CYLC2: variants seen among roughly 807,000 people sequenced by gnomAD.
CYLC2 encodes cylicin-2.
Under a neutral mutation model 26.1 loss-of-function variants are expected in CYLC2, and 30 were observed. The observed-to-expected ratio is 1.15, with a 90% CI of 0.86 to 1.56. CYLC2 has a LOEUF of 1.56. CYLC2 is among the 40% of genes most tolerant of loss of function. The pLI is 0.00. For synonymous variants in CYLC2, 158 were observed against 132.8 expected (o/e 1.19, Z -1.31); for missense variants, 498 against 394.4 (o/e 1.26, Z -2.23).
At chr9:102,999,294 C>A (rs1299532397) in intron 1 of CYLC2, among the ~76,000 whole-genome samples, 2 of 151,836 alleles carry the variant, frequency 1.3e-5, no homozygotes, top group Non-Finnish European at 3.0e-5. Context: ...AACTATTTAT[C>A]ATATAATCAT....
intron 6 of CYLC2, among the ~76,000 whole-genome samples, chr9:103,014,696 C>T (rs1209797893): frequency 8.1e-6 from 1 of 124,216 alleles, no homozygotes; most frequent in Non-Finnish European, 1.7e-5. Context: ...ATGTAATATA[C>T]GTATGTATAT....
chr9:103,014,943 A>T (rs1829479906), intron 6 of CYLC2, among the ~76,000 whole-genome samples: 2 of 140,766 alleles, frequency 1.4e-5, no homozygotes, highest in African/African-American at 5.1e-5. Flanking sequence ...TAGTATACAT[A>T]ATACATGTAA....
intron 6 of CYLC2, among the ~76,000 whole-genome samples, chr9:103,012,590 T>C (rs1329163840): frequency 6.6e-6 from 1 of 151,916 alleles, no homozygotes; most frequent in African/African-American, 2.4e-5. Context: ...TAAAATAAAA[T>C]TGCTTGTGTA....
In CYLC2 at chr9:103,018,321, C is replaced by T; in HGVS notation, c.*891-4C>T. 1 of 151,900 alleles carries T rather than the reference C, an allele frequency of 6.6e-6. No individual in the cohort carries two copies. The highest frequency in any genetic ancestry group is 1.9e-4 in the East Asian group (1 of 5,176). The allele number at this position is 151,900 out of a possible 1,614,324, so 9.4% of individuals were successfully genotyped here. ...CATTTGACTCTGATTTGATTGTGTT[C>T]CAGGACTACCGTGAGGATGGATTGG... On this transcript the variant is annotated splice_region_variant and splice_polypyrimidine_tract_variant and intron_variant, in intron 7 of 7. Coordinates refer to ENST00000374798, the MANE Select transcript of CYLC2 (RefSeq NM_001340.5).
chr9:103,001,442 T>C (rs1016530911), intron 1 of CYLC2, 136 bp from the exon 2 acceptor site: 2 of 631,776 alleles, frequency 3.2e-6, no homozygotes, highest in Non-Finnish European at 5.7e-6. Flanking sequence ...TGAAGTAATC[T>C]TATATAACAA....
intron 6 of CYLC2, among the ~76,000 whole-genome samples, chr9:103,012,596 G>C (rs1286632855): frequency 6.6e-6 from 1 of 151,830 alleles, no homozygotes; most frequent in Non-Finnish European, 1.5e-5. Context: ...AAAATTGCTT[G>C]TGTAAATAAA....
chr9:102,996,928 C>G (rs1829243595), intron 1 of CYLC2, among the ~76,000 whole-genome samples: 1 of 151,852 alleles, frequency 6.6e-6, no homozygotes, highest in Non-Finnish European at 1.5e-5. Flanking sequence ...TTGAATAGAA[C>G]TAAGATTTCT....
chr9:102,997,811 A>T (rs1307312133), intron 1 of CYLC2, among the ~76,000 whole-genome samples: 2 of 151,970 alleles, frequency 1.3e-5, no homozygotes, highest in Non-Finnish European at 2.9e-5. Context: ...TTGTATTTAG[A>T]TTAAAATATA....
intron 6 of CYLC2, among the ~76,000 whole-genome samples, chr9:103,013,281 CACATTAAAT>C (rs1829434644): frequency 1.5e-5 from 1 of 68,770 alleles, no homozygotes; most frequent in Non-Finnish European, 2.5e-5. Flanking sequence ...TTATATATAA[CACATTAAAT>C]ATATATTTAC....
intron 1 of CYLC2, 26 bp from the exon 2 acceptor site, chr9:103,001,552 A>G (rs941426051): frequency 1.4e-6 from 2 of 1,443,124 alleles, no homozygotes; most frequent in African/African-American, 2.8e-5. Context: ...TAAATTAACT[A>G]AAACCTTTCT....
intron 5 of CYLC2, among the ~76,000 whole-genome samples, chr9:103,008,840 T>C (rs1049467089): frequency 2.0e-5 from 3 of 152,152 alleles, no homozygotes; most frequent in African/African-American, 7.2e-5. Context: ...CCCTGCTTCA[T>C]GTCTCTCCAC....
intron 6 of CYLC2, among the ~76,000 whole-genome samples, chr9:103,015,393 A>ATCT (rs1554713901): frequency 7.8e-6 from 1 of 128,570 alleles, no homozygotes; most frequent in Non-Finnish European, 1.6e-5. Flanking sequence ...TTAAATATAT[A>ATCT]TATATGCTTA....
At chr9:103,004,407 G>A (rs545194934) in intron 3 of CYLC2, among the ~76,000 whole-genome samples, 2 of 152,116 alleles carry the variant, frequency 1.3e-5, no homozygotes, top group Non-Finnish European at 2.9e-5. Context: ...AGCCTCCTAT[G>A]ATTGTGAAGA....
rs1829325350 is a variant in CYLC2, at chr9:103,005,011, C to T, written c.380C>T (p.Thr127Ile). Residue 127 changes from threonine (T) to isoleucine (I), a missense_variant, in exon 5 of 8, where the codon ACA (threonine) becomes ATA (isoleucine). Thr to Ile is a moderately conservative substitution (Grantham distance 89, BLOSUM62 -1). Coordinates refer to ENST00000374798, the MANE Select transcript of CYLC2 (RefSeq NM_001340.5). ...GAAGACAAGACAACACAGAAGGACA[C>T]AACAGATTCGGAATCAGAATTAAAA... ...KGEDKTTQKDTTDSESELKQG... is the reference protein window; with the variant it reads ...KGEDKTTQKDITDSESELKQG... 6.3e-7 allele frequency: 1 copy of T among 1,592,246 alleles called. No homozygotes were observed. Among genetic ancestry groups the T allele is most frequent in the Non-Finnish European group, 8.5e-7 (1 of 1,174,742 alleles).
In CYLC2 at chr9:103,005,001, C is replaced by A. The variant is rs199617987; in HGVS notation, c.370C>A (p.Gln124Lys). 492 of 1,587,786 alleles carry A rather than the reference C, an allele frequency of 3.1e-4. 4 individuals are homozygous for A. The East Asian group carries it at 7.6e-3, about 24-fold the overall frequency. The change falls in exon 5 of 8, where the codon CAG becomes AAG. Residue 124 changes from glutamine to lysine, a missense_variant. Transcript: ENST00000374798. ...IGKKGEDKTT[Q>K]KDTTDSESEL... ...TAAGAAAGGTGAAGACAAGACAACA[C>A]AGAAGGACACAACAGATTCGGAATC...
intron 7 of CYLC2, 123 bp downstream of exon 7, chr9:103,017,084 A>C (rs1271759187): frequency 6.6e-6 from 1 of 151,790 alleles, no homozygotes; most frequent in African/African-American, 2.4e-5. Flanking sequence ...CCATACCTGC[A>C]ATAAAAGTCA....
At chr9:103,000,028 G>T (rs4292749) in intron 1 of CYLC2, among the ~76,000 whole-genome samples, 99,478 of 151,392 alleles carry the variant, frequency 0.66, 32,902 homozygotes, top group South Asian at 0.82. Flanking sequence ...TGTTTTCCTA[G>T]TTTCAATGGA....
intron 6 of CYLC2, among the ~76,000 whole-genome samples, chr9:103,013,883 T>G (rs867975936): frequency 8.9e-6 from 1 of 112,352 alleles, no homozygotes. Context: ...ATACATATAA[T>G]AAATAATATA....
intron 2 of CYLC2, 136 bp downstream of exon 2, chr9:103,001,754 C>G: frequency 3.4e-6 from 2 of 591,666 alleles, no homozygotes; most frequent in Non-Finnish European, 5.9e-6. Flanking sequence ...AGGAACCTTT[C>G]TTACAGGCCC....
Sources: gnomAD v4.1 joint callset for allele counts (sites outside exome capture counted in the v4.1 genomes callset) on GRCh38, gnomAD v4.1.1 for gene constraint, MANE v1.5 for transcripts, NCBI Gene and HGNC (gene_info 2026-07-23, HGNC 2026-07-21) for gene names.